Variants in CSMD1 observed in about 807,000 individuals in gnomAD.
The protein encoded by CSMD1 is CUB and Sushi multiple domains 1, also known as CUB and sushi domain-containing protein 1.
Under a neutral mutation model 417.5 loss-of-function variants are expected in CSMD1, and 213 were observed. The observed-to-expected ratio is 0.51, with a 90% CI of 0.46 to 0.57. CSMD1 has a LOEUF of 0.57. Ranked by LOEUF, CSMD1 falls within the 20% of genes least tolerant of loss-of-function variation. The probability of loss-of-function intolerance (pLI) is 0.00; values close to 1 mark genes in which losing one functional copy is unlikely to be tolerated. For synonymous variants in CSMD1, 2,862 were observed against 1,736.8 expected (o/e 1.65, Z -16.11); for missense variants, 6,923 against 4,529.7 (o/e 1.53, Z -15.17).
intron 3 of CSMD1, among the ~76,000 whole-genome samples, chr8:4,204,452 A>T (rs545080269): frequency 4.6e-5 from 7 of 152,328 alleles, no homozygotes; most frequent in Admixed American, 3.9e-4. Flanking sequence ...TTCCTTCATG[A>T]ACACCTGAGA....
intron 1 of CSMD1, among the ~76,000 whole-genome samples, chr8:4,892,712 ATTGCTT>A (rs1188450176): frequency 2.0e-5 from 3 of 152,134 alleles, no homozygotes; most frequent in African/African-American, 4.8e-5. Flanking sequence ...TTACTGATAT[ATTGCTT>A]TTAACACTTT....
At chr8:3,638,383 G>C (rs1363322032) in intron 7 of CSMD1, among the ~76,000 whole-genome samples, 1 of 151,934 alleles carries the variant, frequency 6.6e-6, no homozygotes, top group Non-Finnish European at 1.5e-5. Context: ...CCAGGTATCA[G>C]TTATTGGTTT....
At chr8:4,333,149 A>G (rs1452360938) in intron 3 of CSMD1, among the ~76,000 whole-genome samples, 11 of 152,168 alleles carry the variant, frequency 7.2e-5, no homozygotes, top group Admixed American at 1.3e-4. Flanking sequence ...CTGATTGAAC[A>G]TAAGAATTCC....
At chr8:3,565,831 TC>T (rs1799682116) in intron 10 of CSMD1, among the ~76,000 whole-genome samples, 1 of 151,896 alleles carries the variant, frequency 6.6e-6, no homozygotes, top group Non-Finnish European at 1.5e-5. Context: ...TTTTTTTTTC[TC>T]CCCAAATGAC....
chr8:3,881,148 G>C (rs774636972), intron 5 of CSMD1, among the ~76,000 whole-genome samples: 1 of 152,074 alleles, frequency 6.6e-6, no homozygotes, highest in Non-Finnish European at 1.5e-5. Context: ...TATGTGCCAT[G>C]TTTGTACATT....
At chr8:3,313,278 T>A (rs1242911382) in intron 23 of CSMD1, among the ~76,000 whole-genome samples, 3 of 152,016 alleles carry the variant, frequency 2.0e-5, no homozygotes, top group South Asian at 2.1e-4. Context: ...TGGGATCGGA[T>A]TAAACTAACG....
At chr8:3,996,515 G>C (rs1472983655) in intron 5 of CSMD1, among the ~76,000 whole-genome samples, 1 of 151,932 alleles carries the variant, frequency 6.6e-6, no homozygotes, top group Non-Finnish European at 1.5e-5. Flanking sequence ...GCTTTTGGCA[G>C]AACCTGTGGT....
intron 3 of CSMD1, among the ~76,000 whole-genome samples, chr8:4,356,628 T>A (rs1416130740): frequency 6.6e-6 from 1 of 152,182 alleles, no homozygotes; most frequent in African/African-American, 2.4e-5. Flanking sequence ...CTGTGTCTGC[T>A]TTATTCTGGT....
chr8:4,766,378 G>A (rs746783473), intron 1 of CSMD1, among the ~76,000 whole-genome samples: 47 of 152,152 alleles, frequency 3.1e-4, no homozygotes, highest in Non-Finnish European at 5.0e-4. Flanking sequence ...TTAGGTTTGT[G>A]GATTGAACGA....
chr8:4,525,021 T>A (rs1796445186), intron 2 of CSMD1, among the ~76,000 whole-genome samples: 1 of 152,192 alleles, frequency 6.6e-6, no homozygotes, highest in African/African-American at 2.4e-5. Context: ...CAGTTTATAT[T>A]TTGAATCAAG....
chr8:4,578,332 A>ATTTTTCTTTT lies in CSMD1; in HGVS notation c.302+59009_302+59010insAAAAGAAAAA, dbSNP rs1799238990. ...AGGCACCTGCCACGACACCCGGCTC[A>ATTTTTCTTTT]TTTTTTTTTTTTTTTTTTTTTTTTT... On this transcript the variant is annotated intron_variant, in intron 2 of 69. Coordinates refer to ENST00000635120, the MANE Select transcript of CSMD1 (RefSeq NM_033225.6). Among the ~76,000 whole-genome samples the ATTTTTCTTTT allele has an allele frequency of 2.3e-3, 113 of 48,766 alleles. 4 individuals are homozygous for ATTTTTCTTTT. Among genetic ancestry groups the ATTTTTCTTTT allele is most frequent in the African/African-American group, 8.6e-3 (112 of 13,098 alleles). The allele number at this position is 48,766 out of a possible 152,430, so 32.0% of individuals were successfully genotyped here.
Position 3,000,059 on chromosome 8 carries a change from G to C in CSMD1, c.8102C>G (p.Thr2701Arg). The C allele has an allele frequency of 6.2e-7, 1 of 1,603,548 alleles. No individual in the cohort carries two copies. Among genetic ancestry groups the C allele is most frequent in the African/African-American group, 1.4e-5 (1 of 72,140 alleles). The change falls in exon 53 of 70, where the codon ACG (threonine) becomes AGG (arginine). Residue 2701 changes from threonine to arginine, a missense_variant. Transcript: ENST00000635120. ...ACCAGGATTGCACTGGTAAACCACC[G>C]TGTCTCTGTAACTGAAGCCATCTCC... ...ISGDGFSYRD[T>R]VVYQCNPGFR...
At chr8:3,790,931 A>G (rs2129067543) in intron 5 of CSMD1, among the ~76,000 whole-genome samples, 1 of 152,326 alleles carries the variant, frequency 6.6e-6, no homozygotes, top group Middle Eastern at 3.4e-3. Flanking sequence ...AGAGCAACAG[A>G]TGACACCTGT....
intron 5 of CSMD1, among the ~76,000 whole-genome samples, chr8:3,920,358 T>TG (rs56403637): frequency 0.1 from 15,070 of 145,476 alleles, 1,683 homozygotes; most frequent in African/African-American, 0.29. Context: ...TGCGTGTGTG[T>TG]TTGTGTGTGT....
intron 7 of CSMD1, among the ~76,000 whole-genome samples, chr8:3,623,467 G>T (rs972886560): frequency 1.3e-5 from 2 of 152,200 alleles, no homozygotes; most frequent in Non-Finnish European, 2.9e-5. Flanking sequence ...AAATCAATTA[G>T]TGGAGATAAG....
chr8:4,153,100 T>C (rs923436647), intron 3 of CSMD1, among the ~76,000 whole-genome samples: 3 of 152,204 alleles, frequency 2.0e-5, no homozygotes, highest in Non-Finnish European at 4.4e-5. Flanking sequence ...GTGTAATTAA[T>C]GTAGCCGTAA....
At chr8:4,119,583 T>C (rs1018975521) in intron 3 of CSMD1, among the ~76,000 whole-genome samples, 1 of 42,136 alleles carries the variant, frequency 2.4e-5, no homozygotes, top group African/African-American at 8.7e-5. Context: ...ATAATAGTAG[T>C]GTTCTTCTAT....
chr8:4,164,342 C>T (rs912013713), intron 3 of CSMD1, among the ~76,000 whole-genome samples: 1 of 152,024 alleles, frequency 6.6e-6, no homozygotes, highest in Non-Finnish European at 1.5e-5. Context: ...AAATAGTATT[C>T]ATAAAACAAC....
chr8:4,506,850 A>G (rs1563241295), intron 2 of CSMD1, among the ~76,000 whole-genome samples: 1 of 152,228 alleles, frequency 6.6e-6, no homozygotes. Context: ...CATGTCTTAT[A>G]TTTGTACGAT....
Sources: gnomAD v4.1 joint callset for allele counts (sites outside exome capture counted in the v4.1 genomes callset) on GRCh38, gnomAD v4.1.1 for gene constraint, MANE v1.5 for transcripts, NCBI Gene and HGNC (gene_info 2026-07-23, HGNC 2026-07-21) for gene names.